Variants in PLD1 observed in about 807,000 individuals in gnomAD.
PLD1 encodes the protein choline phosphatase 1.
Under a neutral mutation model 137.1 loss-of-function variants are expected in PLD1, and 112 were observed. The observed-to-expected ratio is 0.82, with a 90% confidence interval of 0.70 to 0.96. The LOEUF (loss-of-function observed/expected upper bound fraction) is 0.96, where lower values mean the gene tolerates loss of function less well. Ranked by LOEUF, PLD1 falls within the 40% of genes least tolerant of loss-of-function variation. The pLI, the probability that PLD1 is intolerant of heterozygous loss-of-function variation, is 0.00. For synonymous variants in PLD1, 431 were observed against 454.7 expected, an observed-to-expected ratio of 0.95 and a Z score of 0.66; for missense variants, 1,321 against 1,342.0, an observed-to-expected ratio of 0.98 and a Z score of 0.24.
At chr3:171,777,597 C>A (rs180694704) in intron 1 of PLD1, among the ~76,000 whole-genome samples, 1 of 152,134 alleles carries the variant, frequency 6.6e-6, no homozygotes. Flanking sequence ...CTCACAAGAC[C>A]TCACTTTCCA....
intron 1 of PLD1, among the ~76,000 whole-genome samples, chr3:171,807,579 T>G (rs1291965984): frequency 6.6e-6 from 1 of 152,156 alleles, no homozygotes; most frequent in Admixed American, 6.5e-5. Flanking sequence ...GAAAAAAAAT[T>G]TTTTAAAAAA....
intron 16 of PLD1, among the ~76,000 whole-genome samples, chr3:171,685,091 T>C (rs967502694): frequency 2.6e-5 from 4 of 152,232 alleles, no homozygotes; most frequent in African/African-American, 4.8e-5. Flanking sequence ...CCAACACGAA[T>C]TCACAAACTT....
chr3:171,724,654 T>C, intron 8 of PLD1, 42 bp downstream of exon 8: 1 of 1,113,732 alleles, frequency 9.0e-7, no homozygotes, highest in Non-Finnish European at 1.4e-6. Flanking sequence ...AAATACCCAG[T>C]GTATTAAAAC....
Position 171,677,593 on chromosome 3 carries a change from A to C in PLD1, c.1969T>G (p.Trp657Gly), listed in dbSNP as rs934209265. 6.2e-7 allele frequency: 1 copy of C among 1,614,162 alleles called. No individual in the cohort carries two copies. The highest frequency in any genetic ancestry group is 2.2e-5 in the East Asian group (1 of 44,886). The change falls in exon 17 of 27, where the codon TGG (tryptophan) becomes GGG (glycine). Residue 657 changes from tryptophan to glycine, a missense_variant. Transcript: ENST00000351298. ...KDYCNFVFKDWVQLDKPFADF... is the reference protein window; with the variant it reads ...KDYCNFVFKDGVQLDKPFADF... ...GCAAAAGGTTTATCAAGTTGAACCCAGTCTTTGAAGACGAAATTGCAGTAG... is the reference window on the plus strand; with the variant it reads ...GCAAAAGGTTTATCAAGTTGAACCCCGTCTTTGAAGACGAAATTGCAGTAG...
chr3:171,609,781 A>G (rs1732512636), intron 25 of PLD1, among the ~76,000 whole-genome samples: 1 of 152,170 alleles, frequency 6.6e-6, no homozygotes, highest in African/African-American at 2.4e-5. Context: ...GAAGGATGAG[A>G]AATCACCTAA....
chr3:171,747,470 C>CT (rs200205947), intron 1 of PLD1, among the ~76,000 whole-genome samples: 5,191 of 143,050 alleles, frequency 0.036, 332 homozygotes, highest in African/African-American at 0.12. Context: ...CTCTTCCTCT[C>CT]TTTTTTTTTT....
intron 23 of PLD1, among the ~76,000 whole-genome samples, chr3:171,634,820 G>A (rs937108454): frequency 1.1e-4 from 16 of 151,886 alleles, no homozygotes; most frequent in Non-Finnish European, 1.0e-4. Flanking sequence ...GTACAAATCA[G>A]TATGTTTTAT....
chr3:171,734,762 T>G, intron 5 of PLD1, 103 bp downstream of exon 5: 1 of 681,878 alleles, frequency 1.5e-6, no homozygotes, highest in Middle Eastern at 2.6e-4. Context: ...AATGAGTGGA[T>G]GAGAGGAGTT....
At chr3:171,743,722 C>T (rs539147467) in intron 1 of PLD1, among the ~76,000 whole-genome samples, 22 of 152,300 alleles carry the variant, frequency 1.4e-4, no homozygotes, top group Non-Finnish European at 2.1e-4. Context: ...TTCATGGTTG[C>T]ACTCTCAAGA....
intron 23 of PLD1, among the ~76,000 whole-genome samples, chr3:171,631,318 T>C (rs1553803521): frequency 6.6e-6 from 1 of 152,104 alleles, no homozygotes; most frequent in Non-Finnish European, 1.5e-5. Flanking sequence ...ATAAATATGC[T>C]GCGGATAATG....
chr3:171,636,601 T>A (rs1449061664), intron 23 of PLD1, among the ~76,000 whole-genome samples: 2 of 152,178 alleles, frequency 1.3e-5, no homozygotes, highest in Non-Finnish European at 2.9e-5. Context: ...TGAATTGATT[T>A]TTGTATACTC....
At chr3:171,740,183 C>G (rs1041255071) in intron 1 of PLD1, among the ~76,000 whole-genome samples, 5 of 152,122 alleles carry the variant, frequency 3.3e-5, no homozygotes, top group Non-Finnish European at 7.4e-5. Flanking sequence ...CTTTTCCTAT[C>G]CCAAGAGATT....
intron 9 of PLD1, among the ~76,000 whole-genome samples, chr3:171,711,855 TACAG>T (rs1002974716): frequency 6.8e-6 from 1 of 146,772 alleles, no homozygotes; most frequent in Non-Finnish European, 1.5e-5. Context: ...CAGAGTGGAT[TACAG>T]AAAGTTTTTT....
rs1422860412 is a variant in PLD1, at chr3:171,767,942, C to CA, written c.-31-29861dup. Among the ~76,000 whole-genome samples, 73 of 132,192 alleles carry CA rather than the reference C, an allele frequency of 5.5e-4. 2 individuals carry two copies. In the South Asian group the frequency reaches 9.1e-3, roughly 16 times the overall value. 86.7% of individuals were successfully genotyped at this position (132,192 alleles called of 152,430 possible). A position where few individuals can be genotyped will look rare whatever the true frequency, so the allele number is the denominator to read the frequency against. On this transcript the variant is annotated intron_variant, in intron 1 of 26. Transcript: ENST00000351298. The stretch of plus-strand genomic sequence containing the variant: ...TGGGCAACAGAGTGAGACTCTGCCT[C>CA]AAAAAAAAAGAGAGGGGGGCTGGGG...
At chr3:171,658,517 T>G (rs1737400262) in intron 21 of PLD1, among the ~76,000 whole-genome samples, 1 of 152,146 alleles carries the variant, frequency 6.6e-6, no homozygotes, top group Admixed American at 6.5e-5. Context: ...ATAGATAAGC[T>G]TCAAGAACAT....
intron 6 of PLD1, among the ~76,000 whole-genome samples, chr3:171,730,472 G>A (rs1404989441): frequency 6.6e-6 from 1 of 151,690 alleles, no homozygotes; most frequent in Non-Finnish European, 1.5e-5. Context: ...TCATGGGAGA[G>A]AAGGTCTGAG....
intron 23 of PLD1, among the ~76,000 whole-genome samples, chr3:171,639,540 T>TA (rs1444008308): frequency 1.2e-5 from 1 of 84,470 alleles, no homozygotes. Flanking sequence ...ATATATTATA[T>TA]AAATATATAT....
intron 23 of PLD1, among the ~76,000 whole-genome samples, chr3:171,630,252 C>T (rs1734543048): frequency 6.6e-6 from 1 of 151,506 alleles, no homozygotes; most frequent in African/African-American, 2.4e-5. Flanking sequence ...AGCCAAAAAA[C>T]ACATGAAAAA....
chr3:171,642,837 T>TA lies in PLD1; in HGVS notation c.2593+2dup. 1.3e-6 allele frequency: 2 copies of TA among 1,551,194 alleles called. No homozygotes were observed. Among genetic ancestry groups the TA allele is most frequent in the Non-Finnish European group, 1.8e-6 (2 of 1,133,310 alleles). On this transcript the variant is annotated splice_region_variant and intron_variant, in intron 23 of 26. Transcript: ENST00000351298. ...TGATATGAGAAAAAAAGCAGTTACT[T>TA]ACGCTCTGCTTTTAACTGTCCAAGG...
Sources: allele counts gnomAD v4.1 joint callset (sites outside exome capture counted in the v4.1 genomes callset), GRCh38; gene constraint gnomAD v4.1.1; transcripts MANE v1.5; gene names NCBI Gene and HGNC (gene_info 2026-07-23, HGNC 2026-07-21).